The following CA10 variants were observed in gnomAD, a reference collection of about 807,000 sequenced individuals.
CA10 encodes carbonic anhydrase-related protein 10.
Under a neutral mutation model 44.2 loss-of-function variants are expected in CA10, and 14 were observed. The ratio of observed to expected loss-of-function variants is 0.32; its 90% CI spans 0.21 to 0.50. The LOEUF is 0.50. CA10 is among the 20% of genes least tolerant of loss of function. The pLI, the probability that CA10 is intolerant of heterozygous loss-of-function variation, is 0.99. For missense variants in CA10, 350 were observed against 409.7 expected (o/e 0.85, Z 1.26); for synonymous variants, 159 against 141.6 (o/e 1.12, Z -0.87).
intron 1 of CA10, among the ~76,000 whole-genome samples, chr17:52,154,763 G>C (rs1360561426): frequency 1.3e-5 from 2 of 152,228 alleles, no homozygotes; most frequent in Non-Finnish European, 2.9e-5. Context: ...AGCCAAAGCT[G>C]ATGTGATCTC....
chr17:52,113,898 A>G (rs768619571), intron 1 of CA10, among the ~76,000 whole-genome samples: 7 of 152,202 alleles, frequency 4.6e-5, no homozygotes, highest in Non-Finnish European at 7.3e-5. Flanking sequence ...AGGTTAGACC[A>G]AAAGATTCAG....
chr17:51,742,796 T>G (rs925004374), intron 4 of CA10, among the ~76,000 whole-genome samples: 1 of 152,200 alleles, frequency 6.6e-6, no homozygotes, highest in African/African-American at 2.4e-5. Flanking sequence ...GATCAGAGAT[T>G]CCAGAGGCTG....
chr17:51,829,273 A>T (rs1219456568), intron 3 of CA10, among the ~76,000 whole-genome samples: 1 of 152,214 alleles, frequency 6.6e-6, no homozygotes, highest in African/African-American at 2.4e-5. Context: ...GCTTCCCTGC[A>T]GTTTCCTCCT....
At chr17:51,695,382 C>A (rs1355676772) in intron 4 of CA10, among the ~76,000 whole-genome samples, 1 of 151,928 alleles carries the variant, frequency 6.6e-6, no homozygotes, top group Non-Finnish European at 1.5e-5. Flanking sequence ...AGAGATCTTT[C>A]TCCTCTTTGG....
intron 1 of CA10, among the ~76,000 whole-genome samples, chr17:52,124,634 C>T (rs191713411): frequency 6.6e-6 from 1 of 152,282 alleles, no homozygotes; most frequent in East Asian, 1.9e-4. Flanking sequence ...TCCATGACTG[C>T]TCATTATTCC....
intron 3 of CA10, among the ~76,000 whole-genome samples, chr17:51,790,236 C>T (rs1906462563): frequency 6.6e-6 from 1 of 152,168 alleles, no homozygotes; most frequent in Non-Finnish European, 1.5e-5. Context: ...CCTCTGATTT[C>T]CCTTGTTCAG....
intron 3 of CA10, among the ~76,000 whole-genome samples, chr17:51,807,333 G>A (rs1907174995): frequency 6.6e-6 from 1 of 152,154 alleles, no homozygotes; most frequent in Admixed American, 6.6e-5. Context: ...GGTTACACAG[G>A]TATTTAGTCA....
chr17:51,908,541 T>A (rs921579780), intron 3 of CA10, among the ~76,000 whole-genome samples: 2 of 152,112 alleles, frequency 1.3e-5, no homozygotes, highest in Non-Finnish European at 2.9e-5. Flanking sequence ...AGAAGCCGAG[T>A]TTTCCTCTGA....
At chr17:51,715,423 T>G (rs537478127) in intron 4 of CA10, among the ~76,000 whole-genome samples, 1 of 152,138 alleles carries the variant, frequency 6.6e-6, no homozygotes, top group African/African-American at 2.4e-5. Flanking sequence ...ATTAAAAAAA[T>G]TTTTCCTTTT....
intron 2 of CA10, among the ~76,000 whole-genome samples, chr17:51,966,063 T>C (rs778558295): frequency 2.0e-5 from 3 of 151,932 alleles, no homozygotes; most frequent in African/African-American, 7.2e-5. Context: ...ACCATTTCTA[T>C]AGACCAGTAA....
chr17:51,979,035 G>A (rs1029581683), intron 2 of CA10, among the ~76,000 whole-genome samples: 2 of 152,102 alleles, frequency 1.3e-5, no homozygotes, highest in African/African-American at 2.4e-5. Context: ...TGCCACAAAC[G>A]TTTGGCTTTT....
intron 2 of CA10, among the ~76,000 whole-genome samples, chr17:51,939,115 T>C (rs203101): frequency 0.97 from 147,947 of 152,140 alleles, 72,066 homozygotes; most frequent in East Asian, 1. Flanking sequence ...CCTACAAACA[T>C]ACATACAAAT....
At chr17:51,712,117 A>C (rs1017872194) in intron 4 of CA10, among the ~76,000 whole-genome samples, 1 of 152,214 alleles carries the variant, frequency 6.6e-6, no homozygotes, top group African/African-American at 2.4e-5. Context: ...TATCTTGTTC[A>C]CCTCTGAACA....
intron 6 of CA10, among the ~76,000 whole-genome samples, chr17:51,644,174 C>CT (rs35416470): frequency 6.1e-4 from 91 of 149,104 alleles, no homozygotes; most frequent in African/African-American, 1.9e-3. Flanking sequence ...AGTTCCCCCC[C>CT]TTTTTTTTTT....
At chr17:51,913,772 G>A (rs868785078) in intron 3 of CA10, among the ~76,000 whole-genome samples, 4 of 152,254 alleles carry the variant, frequency 2.6e-5, no homozygotes, top group Middle Eastern at 3.4e-3. Flanking sequence ...GTTTGGTGGG[G>A]ATGCTGAGCC....
At chr17:51,735,967 G>A (rs1185930071) in intron 4 of CA10, among the ~76,000 whole-genome samples, 1 of 152,158 alleles carries the variant, frequency 6.6e-6, no homozygotes, top group East Asian at 1.9e-4. Context: ...AAACTTTTTG[G>A]GTTGATGGAA....
chr17:51,722,436 T>C (rs959701075), intron 4 of CA10, among the ~76,000 whole-genome samples: 8 of 152,222 alleles, frequency 5.3e-5, no homozygotes, highest in African/African-American at 1.9e-4. Context: ...AGGACTGATA[T>C]GGGTATCCTG....
At chr17:51,949,764 G>C (rs896750352) in intron 2 of CA10, among the ~76,000 whole-genome samples, 4 of 152,210 alleles carry the variant, frequency 2.6e-5, no homozygotes, top group African/African-American at 9.6e-5. Context: ...TTCCATAGAG[G>C]AACCTTGGGC....
At chr17:52,150,687 T>C (rs1436628572) in intron 1 of CA10, among the ~76,000 whole-genome samples, 3 of 152,286 alleles carry the variant, frequency 2.0e-5, no homozygotes, top group Middle Eastern at 3.4e-3. Flanking sequence ...TGCTACACAA[T>C]GCTTTGTAGT....
Sources: allele counts gnomAD v4.1 joint callset (sites outside exome capture counted in the v4.1 genomes callset), GRCh38; gene constraint gnomAD v4.1.1; transcripts MANE v1.5; gene names NCBI Gene and HGNC (gene_info 2026-07-23, HGNC 2026-07-21).